Variants in UBASH3B observed in about 807,000 individuals in gnomAD.
UBASH3B encodes ubiquitin associated and SH3 domain containing B, also known as ubiquitin-associated and SH3 domain-containing protein B.
UBASH3B carries 37 observed loss-of-function variants against 83.4 expected under a neutral mutation model. The observed-to-expected ratio is 0.44, with a 90% CI of 0.34 to 0.58. UBASH3B has a LOEUF of 0.58. Among genes scored for constraint, UBASH3B ranks in the 20% least tolerant of loss-of-function variants. UBASH3B has a pLI of 0.01. For missense variants in UBASH3B, 657 were observed against 827.2 expected (o/e 0.79, Z 2.52); for synonymous variants, 304 against 318.3 (o/e 0.96, Z 0.48).
chr11:122,687,493 G>A (rs551557018), intron 1 of UBASH3B, among the ~76,000 whole-genome samples: 105 of 152,272 alleles, frequency 6.9e-4, no homozygotes, highest in African/African-American at 2.3e-3. Flanking sequence ...TAGAACTTGA[G>A]GAAGATGGAG....
chr11:122,726,349 C>CTTCT (rs1555140956), intron 1 of UBASH3B: 6 of 127,142 alleles, frequency 4.7e-5, no homozygotes, highest in South Asian at 2.5e-4. Flanking sequence ...TCTTCTTCTT[C>CTTCT]TTTTTTTTTT....
chr11:122,748,989 G>A (rs919740797), intron 1 of UBASH3B, among the ~76,000 whole-genome samples: 1 of 152,206 alleles, frequency 6.6e-6, no homozygotes, highest in Non-Finnish European at 1.5e-5. Flanking sequence ...CATGGAGAAT[G>A]TTTTCATGGC....
intron 1 of UBASH3B, among the ~76,000 whole-genome samples, chr11:122,767,044 C>A (rs1158907440): frequency 1.3e-5 from 2 of 152,162 alleles, no homozygotes; most frequent in Non-Finnish European, 2.9e-5. Flanking sequence ...CTTTGGGAAG[C>A]CGAGGTGGGC....
intron 5 of UBASH3B, among the ~76,000 whole-genome samples, chr11:122,785,327 T>C (rs745769452): frequency 6.6e-6 from 1 of 152,214 alleles, no homozygotes; most frequent in Non-Finnish European, 1.5e-5. Context: ...ACCTGAGCCG[T>C]CTGCACACGT....
At chr11:122,793,905 G>A (rs1054500428) in intron 6 of UBASH3B, among the ~76,000 whole-genome samples, 5 of 152,184 alleles carry the variant, frequency 3.3e-5, no homozygotes, top group Admixed American at 2.0e-4. Context: ...TTGGCACAAA[G>A]TTTCCTTGAC....
chr11:122,808,300 C>A, intron 13 of UBASH3B, 124 bp downstream of exon 13: 1 of 813,420 alleles, frequency 1.2e-6, no homozygotes, highest in South Asian at 1.4e-5. Flanking sequence ...TCATTTATTG[C>A]TTCACTCAAC....
At chr11:122,760,271 G>C (rs1472571954) in intron 1 of UBASH3B, among the ~76,000 whole-genome samples, 1 of 152,170 alleles carries the variant, frequency 6.6e-6, no homozygotes, top group Admixed American at 6.5e-5. Context: ...AAATGCAAGT[G>C]AGTGTTAAAG....
intron 1 of UBASH3B, among the ~76,000 whole-genome samples, chr11:122,664,363 G>A (rs1282676651): frequency 6.6e-6 from 1 of 152,156 alleles, no homozygotes; most frequent in Non-Finnish European, 1.5e-5. Context: ...CCACACTCAA[G>A]AATGGATCCT....
chr11:122,698,262 A>C (rs1863989297), intron 1 of UBASH3B, among the ~76,000 whole-genome samples: 1 of 151,030 alleles, frequency 6.6e-6, no homozygotes, highest in Non-Finnish European at 1.5e-5. Flanking sequence ...CTCTCCCCCT[A>C]CCCATACCCC....
At position 122,814,428 on chromosome 11, in the gene UBASH3B, T is replaced by C. The variant is rs545967354; in HGVS notation, c.*4542T>C. The C allele has an allele frequency of 2.4e-4, 37 of 152,780 alleles. No homozygotes were observed. The East Asian group carries it at 6.9e-3, about 29-fold the overall frequency. The allele number at this position is 152,780 out of a possible 1,614,324, so 9.5% of individuals were successfully genotyped here. Reference sequence around the variant, plus strand: ...GATGCACCTTTCAGGAGCATCTCCATTAAATGGTTCATAGATGATTTAATA... The same window carrying C: ...GATGCACCTTTCAGGAGCATCTCCACTAAATGGTTCATAGATGATTTAATA... On this transcript the variant is annotated 3_prime_UTR_variant, in exon 14 of 14. Transcript: ENST00000284273.
At chr11:122,768,872 A>G (rs1860596850) in intron 1 of UBASH3B, among the ~76,000 whole-genome samples, 2 of 152,220 alleles carry the variant, frequency 1.3e-5, no homozygotes. Context: ...ACTACTCAGT[A>G]CACTGATTTA....
At chr11:122,735,525 T>C (rs552357792) in intron 1 of UBASH3B, among the ~76,000 whole-genome samples, 2 of 152,344 alleles carry the variant, frequency 1.3e-5, no homozygotes, top group East Asian at 1.9e-4. Flanking sequence ...TAATATGTGA[T>C]AGAGGCGAGA....
intron 1 of UBASH3B, among the ~76,000 whole-genome samples, chr11:122,745,760 C>T (rs1416978581): frequency 3.9e-5 from 6 of 152,216 alleles, no homozygotes; most frequent in East Asian, 1.9e-4. Context: ...CCATTGCACC[C>T]GCTGTTCCGT....
intron 1 of UBASH3B, 113 bp from the exon 2 acceptor site, chr11:122,776,106 G>C (rs1860728471): frequency 4.4e-6 from 4 of 916,606 alleles, no homozygotes; most frequent in Non-Finnish European, 6.7e-6. Context: ...CCCCACCACA[G>C]AGGATTGAGT....
chr11:122,688,448 G>GTTTT lies in UBASH3B; in HGVS notation c.161+32241_161+32242insTTTT, dbSNP rs146559473. Among the ~76,000 whole-genome samples the GTTTT allele has an allele frequency of 4.9e-5, 6 of 121,478 alleles. 1 individual carries two copies. The highest frequency in any genetic ancestry group is 1.8e-4 in the African/African-American group (6 of 34,226). The allele number at this position is 121,478 out of a possible 152,430, so 79.7% of individuals were successfully genotyped here. ...CGCTAATTTTGGGGTTTTGTGGTTT[G>GTTTT]TTTGTTTTTTTTTTTGAGACGGAGT... is the stretch of plus-strand genomic sequence containing the variant. On this transcript the variant is annotated intron_variant, in intron 1 of 13. Transcript: ENST00000284273.
chr11:122,669,758 T>G (rs185670571), intron 1 of UBASH3B, among the ~76,000 whole-genome samples: 8 of 152,338 alleles, frequency 5.3e-5, no homozygotes, highest in Admixed American at 2.6e-4. Context: ...ATAACAACCC[T>G]ATGAGATAGG....
chr11:122,753,365 G>T (rs1360417850), intron 1 of UBASH3B, among the ~76,000 whole-genome samples: 1 of 151,608 alleles, frequency 6.6e-6, no homozygotes, highest in East Asian at 2.0e-4. Context: ...GCAGGAGAAT[G>T]GCTTGAACCT....
chr11:122,750,110 A>G (rs1861176996), intron 1 of UBASH3B, among the ~76,000 whole-genome samples: 1 of 152,198 alleles, frequency 6.6e-6, no homozygotes, highest in South Asian at 2.1e-4. Flanking sequence ...CTGCTGATAA[A>G]TAGCAGAGCC....
At position 122,686,894 on chromosome 11, in the gene UBASH3B, G is replaced by A. The variant is rs149860031; in HGVS notation, c.161+30684G>A. On this transcript the variant is annotated intron_variant, in intron 1 of 13. Transcript: ENST00000284273. ...TTTTTTTTCTTTTTTTTGAGACAGG[G>A]TCTAGCTCTGTCGCCCAGGCTGGAG... Among the ~76,000 whole-genome samples, 761 of 151,636 alleles carry A rather than the reference G, an allele frequency of 5.0e-3. 3 individuals carry two copies. Among genetic ancestry groups the A allele is most frequent in the African/African-American group, 0.017 (715 of 41,314 alleles).
Sources: allele counts gnomAD v4.1 joint callset (sites outside exome capture counted in the v4.1 genomes callset), GRCh38; gene constraint gnomAD v4.1.1; transcripts MANE v1.5; gene names NCBI Gene and HGNC (gene_info 2026-07-23, HGNC 2026-07-21).